The following SLC12A2 variants were observed in gnomAD, a reference collection of about 807,000 sequenced individuals.
The protein encoded by SLC12A2 is solute carrier family 12 member 2.
A neutral mutation model predicts 136.3 loss-of-function variants in SLC12A2; 67 were observed. The ratio of observed to expected loss-of-function variants is 0.49; its 90% CI spans 0.40 to 0.60. The LOEUF (loss-of-function observed/expected upper bound fraction) is 0.60. SLC12A2 is among the 20% of genes least tolerant of loss of function. The pLI, the probability that SLC12A2 is intolerant of heterozygous loss-of-function variation, is 0.00. For synonymous variants in SLC12A2, 619 were observed against 562.9 expected (o/e 1.10, Z -1.41); for missense variants, 1,322 against 1,534.7 (o/e 0.86, Z 2.32).
chr5:128,131,340 G>A, intron 5 of SLC12A2, 134 bp downstream of exon 5: 1 of 902,942 alleles, frequency 1.1e-6, no homozygotes, highest in Non-Finnish European at 1.7e-6. Flanking sequence ...TTTACTACAG[G>A]AGATAGGCAA....
intron 17 of SLC12A2, among the ~76,000 whole-genome samples, chr5:128,166,509 A>G (rs1163720199): frequency 3.3e-5 from 5 of 151,936 alleles, no homozygotes; most frequent in African/African-American, 1.2e-4. Context: ...ATGGAATATT[A>G]TTCAGCCATA....
In SLC12A2 at chr5:128,135,821, G is replaced by A. The variant is rs1762171715; in HGVS notation, c.1408+13G>A. 1.4e-6 allele frequency: 2 copies of A among 1,403,078 alleles called. No homozygotes were observed. Among genetic ancestry groups the A allele is most frequent in the African/African-American group, 1.4e-5 (1 of 70,224 alleles). The allele number at this position is 1,403,078 out of a possible 1,614,324, so 86.9% of individuals were successfully genotyped here. ...TTTGGTTATAAATGTAAGTAAAAAAGATTCAATATTTTTTAAGGGTACCTA... is the reference window on the plus strand; with the variant it reads ...TTTGGTTATAAATGTAAGTAAAAAAAATTCAATATTTTTTAAGGGTACCTA... On this transcript the variant is annotated intron_variant, in intron 7 of 26. Coordinates refer to ENST00000262461, the MANE Select transcript of SLC12A2 (RefSeq NM_001046.3).
chr5:128,114,469 AT>A, intron 3 of SLC12A2, 116 bp from the exon 4 acceptor site: 1 of 834,730 alleles, frequency 1.2e-6, no homozygotes, highest in Non-Finnish European at 1.9e-6. Context: ...TGAGATCAAA[AT>A]TGGGTAATTT....
Position 128,084,263 on chromosome 5 carries a change from A to AGCGGCG in SLC12A2, c.315_320dup (p.Ala106_Ala107dup). On this transcript the variant is annotated inframe_insertion, in exon 1 of 27. Transcript: ENST00000262461. This position sits in a 1 kb window ranked among gnomAD's most constrained non-coding sequence, Gnocchi z 5.6. Reference sequence around the variant, plus strand: ...CTGCGGCGGCGGCGGCGGCGGCGGCAGCGGCGGCGGCTGGTGCTGGGGCGG... The same window carrying AGCGGCG: ...CTGCGGCGGCGGCGGCGGCGGCGGCAGCGGCGGCGGCGGCGGCTGGTGCTGGGGCGG... 1 of 1,221,640 alleles carries AGCGGCG rather than the reference A, an allele frequency of 8.2e-7. No individual in the cohort carries two copies. The highest frequency in any genetic ancestry group is 1.0e-6 in the Non-Finnish European group (1 of 975,138). The allele number at this position is 1,221,640 out of a possible 1,614,324, so 75.7% of individuals were successfully genotyped here.
chr5:128,124,834 A>C (rs1420274473), intron 4 of SLC12A2, among the ~76,000 whole-genome samples: 1 of 152,142 alleles, frequency 6.6e-6, no homozygotes, highest in Non-Finnish European at 1.5e-5. Context: ...CTCTAATCAC[A>C]TAGTTGTTCC....
At chr5:128,138,087 G>GC (rs1423936541) in intron 7 of SLC12A2, among the ~76,000 whole-genome samples, 3 of 151,958 alleles carry the variant, frequency 2.0e-5, no homozygotes, top group African/African-American at 7.3e-5. Flanking sequence ...ACAGGCATGT[G>GC]CCACCACTCC....
chr5:128,174,746 C>T (rs1763489551), intron 20 of SLC12A2, 80 bp downstream of exon 20: 5 of 1,124,344 alleles, frequency 4.4e-6, no homozygotes, highest in Non-Finnish European at 4.9e-6. Flanking sequence ...TATAATATGT[C>T]TTATAAAAAT....
intron 1 of SLC12A2, among the ~76,000 whole-genome samples, chr5:128,098,928 A>G (rs949424124): frequency 6.6e-6 from 1 of 152,066 alleles, no homozygotes. Flanking sequence ...TGATATTTCA[A>G]GTTAGTAGGG....
intron 4 of SLC12A2, among the ~76,000 whole-genome samples, chr5:128,130,429 C>T (rs1761973714): frequency 6.7e-6 from 1 of 148,966 alleles, no homozygotes; most frequent in African/African-American, 2.5e-5. Context: ...GCAGGAGAAT[C>T]ACATGAACCC....
chr5:128,112,951 TAA>T lies in SLC12A2; in HGVS notation c.876+19_876+20del. On this transcript the variant is annotated intron_variant, in intron 2 of 26. Transcript: ENST00000262461. ...GTGTATTAGTATGTATATATAGACT[TAA>T]TTTTATAGTTACAGCATATCTGTTG... 6.4e-7 allele frequency: 1 copy of T among 1,560,506 alleles called. No individual in the cohort carries two copies. The highest frequency in any genetic ancestry group is 8.6e-7 in the Non-Finnish European group (1 of 1,158,396).
intron 20 of SLC12A2, among the ~76,000 whole-genome samples, chr5:128,176,456 T>G (rs939765979): frequency 6.6e-6 from 1 of 151,914 alleles, no homozygotes; most frequent in Admixed American, 6.6e-5. Context: ...CAAAATGAGA[T>G]TAGGAAAATT....
At chr5:128,147,535 T>A (rs1026817816) in intron 10 of SLC12A2, 87 bp from the exon 11 acceptor site, 22 of 775,026 alleles carry the variant, frequency 2.8e-5, no homozygotes, top group Non-Finnish European at 4.0e-5. Flanking sequence ...AGTGTTAACC[T>A]CCTTCAAGAT....
Position 128,186,540 on chromosome 5 carries a change from A to C in SLC12A2, c.3548A>C (p.Tyr1183Ser). Residue 1183 changes from tyrosine to serine, a missense_variant, in exon 27 of 27, where the codon TAC becomes TCC. Physicochemically the swap from Tyr to Ser is moderately radical, Grantham distance 144 (BLOSUM62 -2). Coordinates refer to ENST00000262461, the MANE Select transcript of SLC12A2 (RefSeq NM_001046.3). ...AAAGGTGCTGTGTCTAGTGCTCTCT[A>C]CATGGCATGGTTAGAAGCTCTATCT... Reference protein sequence around the residue: ...ARKGAVSSALYMAWLEALSKD... With the variant: ...ARKGAVSSALSMAWLEALSKD... 1 of 1,612,300 alleles carries C rather than the reference A, an allele frequency of 6.2e-7. No homozygotes were observed.
intron 10 of SLC12A2, among the ~76,000 whole-genome samples, chr5:128,146,538 G>GT (rs148115807): frequency 1.0e-3 from 146 of 141,324 alleles, no homozygotes; most frequent in East Asian, 3.5e-3. Flanking sequence ...TGTTGTTGGT[G>GT]TTTTTTTTTT....
At chr5:128,144,917 G>T (rs1762481718) in intron 10 of SLC12A2, among the ~76,000 whole-genome samples, 1 of 151,730 alleles carries the variant, frequency 6.6e-6, no homozygotes, top group South Asian at 2.1e-4. Flanking sequence ...TTAGACTTTT[G>T]TCTTTTTTTC....
Position 128,084,278 on chromosome 5 carries a change from T to G in SLC12A2, c.324T>G (p.Gly108=). 1 of 1,423,734 alleles carries G rather than the reference T, an allele frequency of 7.0e-7. No individual in the cohort carries two copies. The highest frequency in any genetic ancestry group is 9.1e-7 in the Non-Finnish European group (1 of 1,101,540). The allele number at this position is 1,423,734 out of a possible 1,614,324, so 88.2% of individuals were successfully genotyped here. A position where few individuals can be genotyped will look rare whatever the true frequency, so the allele number is the denominator to read the frequency against. ...AAAAAAAAAA[G]AGAGAKQTPA... ...CGGCGGCGGCAGCGGCGGCGGCTGGTGCTGGGGCGGGGGCCAAGCAGACCC... is the reference window on the plus strand; with the variant it reads ...CGGCGGCGGCAGCGGCGGCGGCTGGGGCTGGGGCGGGGGCCAAGCAGACCC... Residue 108 remains glycine (G), a synonymous_variant, in exon 1 of 27, where the codon GGT becomes GGG. Transcript: ENST00000262461. The surrounding 1 kb of genome is among the most constrained non-coding windows in gnomAD (Gnocchi z 5.6).
Position 128,151,157 on chromosome 5 carries a change from G to T in SLC12A2, c.2108-84G>T, listed in dbSNP as rs1029182594. The T allele has an allele frequency of 4.1e-6, 5 of 1,213,220 alleles. No individual in the cohort carries two copies. In the African/African-American group the frequency reaches 4.7e-5, roughly 11 times the overall value. The allele number at this position is 1,213,220 out of a possible 1,614,324, so 75.2% of individuals were successfully genotyped here. A position where few individuals can be genotyped will look rare whatever the true frequency, so the allele number is the denominator to read the frequency against. Reference sequence around the variant, plus strand: ...GTCCTCTCAGTGTGGCAACCATAAAGAATGTTATTTTTTGAATACATATGT... The same window carrying T: ...GTCCTCTCAGTGTGGCAACCATAAATAATGTTATTTTTTGAATACATATGT... On this transcript the variant is annotated intron_variant, in intron 13 of 26. Transcript: ENST00000262461.
chr5:128,182,885 A>C lies in SLC12A2; in HGVS notation c.3243A>C (p.Ile1081=). ...AMATLLSKFR[I]DFSDIMVLGD... The stretch of plus-strand genomic sequence containing the variant: ...CTACTTTGCTTAGCAAGTTCCGGAT[A>C]GACTTTTCTGATATCATGGTTCTAG... The change falls in exon 24 of 27, where the codon ATA becomes ATC. Residue 1081 remains isoleucine (I), a synonymous_variant. Coordinates refer to ENST00000262461, the MANE Select transcript of SLC12A2 (RefSeq NM_001046.3). 1 of 1,611,802 alleles carries C rather than the reference A, an allele frequency of 6.2e-7. No homozygotes were observed. The highest frequency in any genetic ancestry group is 8.5e-7 in the Non-Finnish European group (1 of 1,178,518).
intron 4 of SLC12A2, among the ~76,000 whole-genome samples, chr5:128,124,546 A>T (rs900264403): frequency 2.6e-5 from 4 of 152,168 alleles, no homozygotes; most frequent in African/African-American, 9.7e-5. Context: ...TACAACACAG[A>T]AAGAGCCAAA....
Sources: allele counts gnomAD v4.1 joint callset (sites outside exome capture counted in the v4.1 genomes callset), GRCh38; gene constraint gnomAD v4.1.1; non-coding constraint Gnocchi (gnomAD v3.1); transcripts MANE v1.5; gene names NCBI Gene and HGNC (gene_info 2026-07-23, HGNC 2026-07-21).